The following PIGN variants were observed in gnomAD, a reference collection of about 807,000 sequenced individuals.
The protein encoded by PIGN is phosphatidylinositol glycan anchor biosynthesis class N, also known as GPI ethanolamine phosphate transferase 1.
PIGN carries 117 observed loss-of-function variants against 125.4 expected under a neutral mutation model. That is an observed-to-expected ratio of 0.93 (90% CI 0.80 to 1.09). The LOEUF (loss-of-function observed/expected upper bound fraction) is 1.09, where lower values mean the gene tolerates loss of function less well. PIGN is among the 50% of genes least tolerant of loss of function. PIGN has a pLI of 0.00. For synonymous variants in PIGN, 392 were observed against 377.8 expected (o/e 1.04, Z -0.44); for missense variants, 1,075 against 1,094.9 (o/e 0.98, Z 0.26).
At chr18:62,176,638 T>C (rs1423572267) in intron 1 of PIGN, among the ~76,000 whole-genome samples, 2 of 151,428 alleles carry the variant, frequency 1.3e-5, no homozygotes, top group East Asian at 1.9e-4. Context: ...ATAATCTCAA[T>C]CTAATAATGG....
At chr18:62,100,267 T>C (rs2034384106) in intron 22 of PIGN, among the ~76,000 whole-genome samples, 1 of 152,144 alleles carries the variant, frequency 6.6e-6, no homozygotes. Flanking sequence ...CACAATGAGA[T>C]ATCATCTCAC....
intron 1 of PIGN, among the ~76,000 whole-genome samples, chr18:62,175,069 T>TATATATAAAA (rs2037477883): frequency 1.0e-5 from 1 of 95,744 alleles, no homozygotes; most frequent in Non-Finnish European, 2.3e-5. Flanking sequence ...ATATAATAAA[T>TATATATAAAA]ATATATATTT....
At chr18:62,085,321 C>T (rs1200386519) in intron 25 of PIGN, 57 bp from the exon 26 acceptor site, 5 of 1,190,796 alleles carry the variant, frequency 4.2e-6, no homozygotes, top group African/African-American at 1.5e-5. Flanking sequence ...ATTTCCTTTT[C>T]ATTTAGAAAA....
At chr18:62,106,411 C>T (rs1159752963) in intron 19 of PIGN, among the ~76,000 whole-genome samples, 2 of 150,336 alleles carry the variant, frequency 1.3e-5, no homozygotes, top group African/African-American at 4.9e-5. Context: ...CTCAGGGTAA[C>T]GAGGGAGGTG....
chr18:62,154,880 A>T (rs993339321), intron 6 of PIGN, among the ~76,000 whole-genome samples: 2 of 152,208 alleles, frequency 1.3e-5, no homozygotes, highest in South Asian at 2.1e-4. Context: ...GTCCTCAAAA[A>T]TAACATATTT....
intron 29 of PIGN, among the ~76,000 whole-genome samples, chr18:62,073,662 G>C (rs546930075): frequency 3.3e-5 from 5 of 152,156 alleles, no homozygotes; most frequent in South Asian, 2.1e-4. Context: ...GAAATACAAT[G>C]AATAATGGTT....
At chr18:62,145,461 C>T (rs1434406034) in intron 10 of PIGN, among the ~76,000 whole-genome samples, 1 of 152,190 alleles carries the variant, frequency 6.6e-6, no homozygotes, top group African/African-American at 2.4e-5. Flanking sequence ...TAGCTCAGTA[C>T]TACCTCTTGC....
chr18:62,107,131 C>T lies in PIGN; in HGVS notation c.1575-46G>A, dbSNP rs1370820511. 3.5e-6 allele frequency: 4 copies of T among 1,155,856 alleles called. No individual in the cohort carries two copies. In the Admixed American group the frequency reaches 8.0e-5, roughly 23 times the overall value. 71.6% of individuals were successfully genotyped at this position (1,155,856 alleles called of 1,614,324 possible). A position where few individuals can be genotyped will look rare whatever the true frequency, so the allele number is the denominator to read the frequency against. On this transcript the variant is annotated intron_variant, in intron 17 of 30. Coordinates refer to ENST00000640252, the MANE Select transcript of PIGN (RefSeq NM_176787.5). ...GATTGAATTTTAAAGTTAGGTCATA[C>T]ATAGTATAACAATACAAACTTTGCA...
intron 30 of PIGN, among the ~76,000 whole-genome samples, chr18:62,061,394 T>C (rs956161285): frequency 6.7e-6 from 1 of 149,048 alleles, no homozygotes; most frequent in Admixed American, 6.7e-5. Flanking sequence ...TGGGACAGAT[T>C]CCCGCCATTT....
At chr18:62,085,165 T>C (rs889146689) in intron 26 of PIGN, 44 bp downstream of exon 26, 12 of 1,098,604 alleles carry the variant, frequency 1.1e-5, no homozygotes, top group Middle Eastern at 2.4e-4. Context: ...CCAGGTTGCA[T>C]TATTTTTTAG....
chr18:62,171,682 T>C (rs1271774809), intron 1 of PIGN, among the ~76,000 whole-genome samples: 1 of 152,172 alleles, frequency 6.6e-6, no homozygotes, highest in Admixed American at 6.5e-5. Flanking sequence ...TACTTTTTGT[T>C]GTATCTACTG....
chr18:62,161,480 T>C (rs2036951646), intron 3 of PIGN, 95 bp from the exon 4 acceptor site: 3 of 589,226 alleles, frequency 5.1e-6, no homozygotes, highest in Non-Finnish European at 9.0e-6. Flanking sequence ...GAAACATATA[T>C]TTTTAATTAT....
intron 25 of PIGN, 136 bp from the exon 26 acceptor site, chr18:62,085,400 T>C: frequency 1.5e-6 from 1 of 664,904 alleles, no homozygotes; most frequent in Non-Finnish European, 2.7e-6. Context: ...TCAATGAACA[T>C]TCCATTATAA....
chr18:62,135,526 C>G (rs147888433), intron 14 of PIGN: 1 of 151,598 alleles, frequency 6.6e-6, no homozygotes, highest in African/African-American at 2.4e-5. Context: ...TACCATGCCA[C>G]GTGGAAAAAG....
intron 23 of PIGN, among the ~76,000 whole-genome samples, chr18:62,024,249 G>A (rs1469355744): frequency 6.6e-6 from 1 of 152,156 alleles, no homozygotes; most frequent in Non-Finnish European, 1.5e-5. Flanking sequence ...TATGAAGGTG[G>A]CAGAGAAAGA....
intron 14 of PIGN, among the ~76,000 whole-genome samples, chr18:62,120,256 A>T (rs2035249300): frequency 1.3e-5 from 2 of 152,206 alleles, no homozygotes; most frequent in South Asian, 4.1e-4. Context: ...ATGACATTAA[A>T]ACAGTTGGTC....
intron 22 of PIGN, among the ~76,000 whole-genome samples, chr18:62,097,979 T>A (rs2034280862): frequency 6.6e-6 from 1 of 152,206 alleles, no homozygotes; most frequent in South Asian, 2.1e-4. Context: ...CAAGTTGGGA[T>A]GAAATCCCGG....
intron 30 of PIGN, among the ~76,000 whole-genome samples, chr18:62,062,418 C>A (rs535244753): frequency 6.6e-6 from 1 of 152,292 alleles, no homozygotes; most frequent in Non-Finnish European, 1.5e-5. Flanking sequence ...TCCCGTTTAA[C>A]CTATGGGGGT....
At chr18:62,179,591 A>T (rs2037645345) in intron 1 of PIGN, among the ~76,000 whole-genome samples, 1 of 152,180 alleles carries the variant, frequency 6.6e-6, no homozygotes, top group East Asian at 1.9e-4. Context: ...AAAAAATGCA[A>T]AAAAATTAGT....
Sources: gnomAD v4.1 joint callset for allele counts (sites outside exome capture counted in the v4.1 genomes callset) on GRCh38, gnomAD v4.1.1 for gene constraint, MANE v1.5 for transcripts, NCBI Gene and HGNC (gene_info 2026-07-23, HGNC 2026-07-21) for gene names.